Variants in CBR3 observed in about 807,000 individuals in gnomAD.
The protein encoded by CBR3 is carbonyl reductase 3.
Under a neutral mutation model 11.6 loss-of-function variants are expected in CBR3, and 14 were observed. That is an observed-to-expected ratio of 1.20 (90% CI 0.79 to 1.88). The LOEUF is 1.88. Among genes scored for constraint, CBR3 ranks in the 40% most tolerant of loss-of-function variants. The pLI is 0.00. For synonymous variants in CBR3, 125 were observed against 145.6 expected (o/e 0.86, Z 1.02); for missense variants, 308 against 357.3 (o/e 0.86, Z 1.11).
Position 36,135,436 on chromosome 21 carries a change from G to A in CBR3, c.244G>A (p.Gly82Arg). 1.2e-6 allele frequency: 2 copies of A among 1,613,592 alleles called. No homozygotes were observed. Among genetic ancestry groups the A allele is most frequent in the South Asian group, 1.1e-5 (1 of 91,056 alleles). Residue 82 changes from glycine (G) to arginine (R), a missense_variant, in exon 1 of 3, where the codon GGG (glycine) becomes AGG (arginine). Transcript: ENST00000290354. ...ALRDFLRKEYGGLNVLVNNAA... is the reference protein window; with the variant it reads ...ALRDFLRKEYRGLNVLVNNAA... ...GCGCGACTTCCTGCGCAAGGAGTAC[G>A]GGGGGCTCAACGTACTGGTCAACAA...
chr21:36,143,879 CAAAA>C (rs35169663), intron 2 of CBR3, among the ~76,000 whole-genome samples: 3 of 91,946 alleles, frequency 3.3e-5, no homozygotes, highest in Admixed American at 2.3e-4. Flanking sequence ...GATTCTGTCT[CAAAA>C]AAAAAAAAAA....
rs554918969 is a variant in CBR3, at chr21:36,146,093, A to T, written c.415A>T (p.Ser139Cys). 1.8e-4 allele frequency: 292 copies of T among 1,611,348 alleles called. 5 individuals are homozygous for T. The South Asian group carries it at 3.1e-3, about 17-fold the overall frequency. Residue 139 changes from serine (S) to cysteine (C), a missense_variant, in exon 3 of 3, where the codon AGT (serine) becomes TGT (cysteine). Ser to Cys is a moderately radical substitution (Grantham distance 112). Transcript: ENST00000290354. ...TGTTTCAGGGAGAGTGGTGAATATC[A>T]GTAGTTTGCAGTGTTTAAGGGCTTT... ...MKPHGRVVNI[S>C]SLQCLRAFEN...
chr21:36,140,095 G>A (rs576176542), intron 2 of CBR3, among the ~76,000 whole-genome samples: 28 of 152,040 alleles, frequency 1.8e-4, no homozygotes, highest in African/African-American at 6.3e-4. Flanking sequence ...CACCATGTTG[G>A]CCAGCTTGAT....
chr21:36,144,198 T>C (rs2065736784), intron 2 of CBR3, among the ~76,000 whole-genome samples: 1 of 152,166 alleles, frequency 6.6e-6, no homozygotes. Flanking sequence ...GGCTCACACC[T>C]GTAATCCTAG....
rs2065755351 is a variant in CBR3, at chr21:36,146,376, C to G, written c.698C>G (p.Thr233Arg). 4 of 1,613,996 alleles carry G rather than the reference C, an allele frequency of 2.5e-6. No homozygotes were observed. The highest frequency in any genetic ancestry group is 3.4e-6 in the Non-Finnish European group (4 of 1,180,028). ...GCGTGCTGCCCAGGACCAGTGAAGA[C>G]AGACATGGATGGGAAAGACAGCATC... ...VNACCPGPVK[T>R]DMDGKDSIRT... The change falls in exon 3 of 3, where the codon ACA (threonine) becomes AGA (arginine). Residue 233 changes from threonine to arginine, a missense_variant. Physicochemically the swap from Thr to Arg is moderately conservative, Grantham distance 71. Transcript: ENST00000290354.
intron 1 of CBR3, among the ~76,000 whole-genome samples, chr21:36,135,794 C>T (rs1352872976): frequency 1.3e-5 from 2 of 152,246 alleles, no homozygotes; most frequent in African/African-American, 4.8e-5. Flanking sequence ...GGGCAACGCC[C>T]TGCTAGAGTT....
intron 2 of CBR3, among the ~76,000 whole-genome samples, chr21:36,142,439 A>AAAAAAAAAAAAAAAAC (rs774406466): frequency 1.4e-5 from 2 of 147,646 alleles, no homozygotes; most frequent in South Asian, 2.1e-4. Context: ...CTCAAAAAAA[A>AAAAAAAAAAAAAAAAC]AAAAAAAAAC....
intron 1 of CBR3, 33 bp downstream of exon 1, chr21:36,135,514 A>G (rs1379014817): frequency 1.3e-6 from 2 of 1,560,898 alleles, no homozygotes; most frequent in South Asian, 1.2e-5. Context: ...GGCCCCCTGG[A>G]GCGCTCCGAG....
Position 36,137,916 on chromosome 21 carries a change from G to T in CBR3, c.381G>T (p.Pro127=). The part of the protein sequence containing the change: ...ATRNMCNELL[P]IMKPHGRVVN... ...GAAACATGTGCAACGAGTTACTGCCGATAATGAAACCTCATGGTAAGCCCA... is the reference window on the plus strand; with the variant it reads ...GAAACATGTGCAACGAGTTACTGCCTATAATGAAACCTCATGGTAAGCCCA... The change falls in exon 2 of 3, where the codon CCG becomes CCT. Residue 127 remains proline, a synonymous_variant. Transcript: ENST00000290354. The T allele has an allele frequency of 6.2e-7, 1 of 1,601,790 alleles. No homozygotes were observed. Among genetic ancestry groups the T allele is most frequent in the Non-Finnish European group, 8.6e-7 (1 of 1,169,084 alleles).
chr21:36,143,044 C>T (rs903099287), intron 2 of CBR3, among the ~76,000 whole-genome samples: 1 of 152,128 alleles, frequency 6.6e-6, no homozygotes, highest in African/African-American at 2.4e-5. Flanking sequence ...GTGGCTCATG[C>T]GTGCAACCCC....
At chr21:36,144,766 G>C (rs1202541940) in intron 2 of CBR3, among the ~76,000 whole-genome samples, 2 of 67,226 alleles carry the variant, frequency 3.0e-5, no homozygotes, top group Admixed American at 1.6e-4. Context: ...CCACTGCACT[G>C]CAGCCTAGGC....
intron 2 of CBR3, among the ~76,000 whole-genome samples, chr21:36,139,573 G>A (rs1451830815): frequency 6.6e-6 from 1 of 151,798 alleles, no homozygotes; most frequent in Non-Finnish European, 1.5e-5. Context: ...GTAGAGACAG[G>A]GCTTTGCCAT....
rs1555883305 is a variant in CBR3, at chr21:36,142,437, A to AAAAAAAAAAAAAC, written c.398-3628_398-3627insACAAAAAAAAAAA. 3.2e-3 allele frequency among the ~76,000 whole-genome samples: 260 copies of AAAAAAAAAAAAAC among 82,256 alleles called. 11 individuals carry two copies. Among genetic ancestry groups the AAAAAAAAAAAAAC allele is most frequent in the African/African-American group, 6.6e-3 (187 of 28,190 alleles). 54.0% of individuals were successfully genotyped at this position (82,256 alleles called of 152,430 possible). Reference sequence around the variant, plus strand: ...ACAGAGCGAGACTCCATCTCAAAAAAAAAAAAAAAAACGCAATCCATGATC... The same window carrying AAAAAAAAAAAAAC: ...ACAGAGCGAGACTCCATCTCAAAAAAAAAAAAAAAAAACAAAAAAAAAAACGCAATCCATGATC... On this transcript the variant is annotated intron_variant, in intron 2 of 2. Coordinates refer to ENST00000290354, the MANE Select transcript of CBR3 (RefSeq NM_001236.4).
intron 2 of CBR3, chr21:36,138,744 C>CTTTTTTTTTTTTTTTTTTTTT (rs751330163): frequency 3.0e-4 from 37 of 123,166 alleles, no homozygotes; most frequent in African/African-American, 3.8e-4. Context: ...TTTTTCTTTT[C>CTTTTTTTTTTTTTTTTTTTTT]TTTTTTTTTT....
chr21:36,140,526 A>G (rs2065700305), intron 2 of CBR3, among the ~76,000 whole-genome samples: 1 of 151,942 alleles, frequency 6.6e-6, no homozygotes. Context: ...AGTGTTGGGA[A>G]GTTTTCTCCC....
At chr21:36,141,974 C>T (rs2065712987) in intron 2 of CBR3, 3 of 958,536 alleles carry the variant, frequency 3.1e-6, no homozygotes, top group Non-Finnish European at 3.7e-6. Context: ...AAGAACACAA[C>T]ATCACTGATG....
chr21:36,142,445 A>C (rs938210758), intron 2 of CBR3, among the ~76,000 whole-genome samples: 1 of 148,828 alleles, frequency 6.7e-6, no homozygotes, highest in Non-Finnish European at 1.5e-5. Flanking sequence ...AAAAAAAAAA[A>C]AAACGCAATC....
Position 36,146,562 on chromosome 21 carries a change from A to G in CBR3, c.*50A>G, listed in dbSNP as rs768183263. 3.5e-6 allele frequency: 5 copies of G among 1,427,722 alleles called. No homozygotes were observed. The African/African-American group carries it at 7.1e-5, about 20-fold the overall frequency. The allele number at this position is 1,427,722 out of a possible 1,614,324, so 88.4% of individuals were successfully genotyped here. ...TAATAAATGTTGGTGGAATGAATGA[A>G]TGAATTGATGCTGTGGTTTGATTAT... On this transcript the variant is annotated 3_prime_UTR_variant, in exon 3 of 3. Coordinates refer to ENST00000290354, the MANE Select transcript of CBR3 (RefSeq NM_001236.4).
intron 2 of CBR3, chr21:36,142,033 C>T (rs1458876830): frequency 2.5e-6 from 1 of 394,324 alleles, no homozygotes; most frequent in African/African-American, 2.2e-5. Flanking sequence ...TGAGAACAGA[C>T]CAATTCACTT....
Sources: allele counts gnomAD v4.1 joint callset (sites outside exome capture counted in the v4.1 genomes callset), GRCh38; gene constraint gnomAD v4.1.1; transcripts MANE v1.5; gene names NCBI Gene and HGNC (gene_info 2026-07-23, HGNC 2026-07-21).